The following ALG14 variants were observed in gnomAD, a reference collection of about 807,000 sequenced individuals.
ALG14 encodes UDP-N-acetylglucosamine transferase subunit ALG14.
A neutral mutation model predicts 22.8 loss-of-function variants in ALG14; 17 were observed. The observed-to-expected ratio is 0.75, with a 90% CI of 0.51 to 1.12. ALG14 has a LOEUF of 1.12. ALG14 is among the 50% of genes most tolerant of loss of function. The pLI, the probability that ALG14 is intolerant of heterozygous loss-of-function variation, is 0.00. For synonymous variants in ALG14, 89 were observed against 103.7 expected, an observed-to-expected ratio of 0.86 and a Z score of 0.86; for missense variants, 288 against 271.8, an observed-to-expected ratio of 1.06 and a Z score of -0.42.
At chr1:94,983,328 C>T in intron 3 of ALG14, 22 bp from the exon 4 acceptor site, 2 of 1,594,278 alleles carry the variant, frequency 1.3e-6, no homozygotes, top group Non-Finnish European at 1.7e-6. Context: ...AGTTGAAGGT[C>T]AAATGAAAAT....
chr1:95,003,265 C>T (rs976644013), intron 3 of ALG14, among the ~76,000 whole-genome samples: 7 of 152,134 alleles, frequency 4.6e-5, no homozygotes, highest in African/African-American at 1.7e-4. Flanking sequence ...ACCAGAGGTG[C>T]TCACTGTCCT....
At chr1:94,998,489 G>C (rs867479328) in intron 3 of ALG14, among the ~76,000 whole-genome samples, 2 of 152,324 alleles carry the variant, frequency 1.3e-5, no homozygotes, top group African/African-American at 2.4e-5. Flanking sequence ...TTATAAGCAA[G>C]TGTGCTAAAA....
chr1:95,043,464 C>T (rs921286687), intron 2 of ALG14, among the ~76,000 whole-genome samples: 33 of 152,160 alleles, frequency 2.2e-4, no homozygotes, highest in South Asian at 1.7e-3. Flanking sequence ...TCAATAGTGA[C>T]GAGGATGAGA....
chr1:95,048,294 T>C (rs59902773), intron 2 of ALG14, among the ~76,000 whole-genome samples: 1 of 152,166 alleles, frequency 6.6e-6, no homozygotes, highest in Non-Finnish European at 1.5e-5. Flanking sequence ...CTTCTATTGT[T>C]GTTTTATATA....
chr1:95,016,820 C>G (rs1485154437), intron 3 of ALG14, among the ~76,000 whole-genome samples: 1 of 151,948 alleles, frequency 6.6e-6, no homozygotes, highest in East Asian at 1.9e-4. Flanking sequence ...GTCAGGGAAC[C>G]TACAAAAATG....
intron 3 of ALG14, among the ~76,000 whole-genome samples, chr1:95,020,525 G>T (rs759897257): frequency 6.6e-6 from 1 of 151,756 alleles, no homozygotes; most frequent in African/African-American, 2.4e-5. Context: ...GATCGCCTGA[G>T]GTCAGGAGTT....
chr1:95,039,631 G>C (rs1191662308), intron 2 of ALG14, among the ~76,000 whole-genome samples: 1 of 152,160 alleles, frequency 6.6e-6, no homozygotes, highest in Non-Finnish European at 1.5e-5. Flanking sequence ...TACTCTTTAA[G>C]TATAAAATAT....
intron 1 of ALG14, among the ~76,000 whole-genome samples, chr1:95,070,409 G>A (rs1274570649): frequency 6.6e-6 from 1 of 152,186 alleles, no homozygotes; most frequent in Non-Finnish European, 1.5e-5. Context: ...TGAAACTTCA[G>A]AGGGCAAAAG....
chr1:94,986,484 CTTTTTTTG>C (rs1158845067), intron 3 of ALG14, among the ~76,000 whole-genome samples: 2 of 150,340 alleles, frequency 1.3e-5, no homozygotes, highest in Non-Finnish European at 3.0e-5. Flanking sequence ...TTCTTTTTTT[CTTTTTTTG>C]AGACACAGTC....
chr1:95,040,009 C>CA (rs1305351309), intron 2 of ALG14, among the ~76,000 whole-genome samples: 1 of 151,754 alleles, frequency 6.6e-6, no homozygotes, highest in Non-Finnish European at 1.5e-5. Context: ...CCTATCTCTA[C>CA]AAAAAATACA....
intron 2 of ALG14, among the ~76,000 whole-genome samples, chr1:95,053,564 G>T (rs1248267238): frequency 1.3e-5 from 2 of 151,620 alleles, no homozygotes; most frequent in African/African-American, 2.4e-5. Context: ...TGTTTTTTTT[G>T]TTTGTTTGTT....
At chr1:95,027,071 A>G in intron 3 of ALG14, 58 bp downstream of exon 3, 1 of 1,590,492 alleles carries the variant, frequency 6.3e-7, no homozygotes. Flanking sequence ...ATGTCCTGTT[A>G]CTAACGAAAG....
At chr1:95,037,582 G>A (rs1674240610) in intron 2 of ALG14, among the ~76,000 whole-genome samples, 1 of 152,164 alleles carries the variant, frequency 6.6e-6, no homozygotes, top group African/African-American at 2.4e-5. Flanking sequence ...CTTGCTATAG[G>A]GATATGCCTG....
chr1:94,982,101 C>A lies in ALG14; in HGVS notation c.*975G>T, dbSNP rs1571568491. ...TCTGTAAAATGGGAATAATAACAGT[C>A]CCTACATCATTGAGTTTTGTTTTTT... is the stretch of plus-strand genomic sequence containing the variant. On this transcript the variant is annotated 3_prime_UTR_variant, in exon 4 of 4. Transcript: ENST00000370205. The A allele has an allele frequency of 1.3e-5, 2 of 151,620 alleles. No individual in the cohort carries two copies. The highest frequency in any genetic ancestry group is 4.8e-5 in the African/African-American group (2 of 41,306). 9.4% of individuals were successfully genotyped at this position (151,620 alleles called of 1,614,324 possible).
chr1:94,999,450 T>G (rs1379578644), intron 3 of ALG14, among the ~76,000 whole-genome samples: 1 of 151,242 alleles, frequency 6.6e-6, no homozygotes, highest in Non-Finnish European at 1.5e-5. Context: ...CATCCTGGCA[T>G]TCTTGAAAGC....
intron 3 of ALG14, among the ~76,000 whole-genome samples, chr1:95,006,888 C>T (rs753432831): frequency 3.3e-5 from 5 of 152,232 alleles, no homozygotes; most frequent in Admixed American, 6.5e-5. Context: ...TTATATAACT[C>T]GGTTTCATAT....
chr1:94,999,012 T>A (rs1277654516), intron 3 of ALG14, among the ~76,000 whole-genome samples: 1 of 152,102 alleles, frequency 6.6e-6, no homozygotes, highest in Non-Finnish European at 1.5e-5. Flanking sequence ...TGCTGGCAAG[T>A]TTAATATCAC....
chr1:94,996,080 C>G (rs906038171), intron 3 of ALG14, among the ~76,000 whole-genome samples: 1 of 152,226 alleles, frequency 6.6e-6, no homozygotes, highest in African/African-American at 2.4e-5. Flanking sequence ...TATCCCAGTT[C>G]TATTCAGAGA....
rs557714182 is a variant in ALG14, at chr1:95,042,705, T to G, written c.289-15445A>C. ...TTCCTTTTCTTGTTCTTTCTGGAAG[T>G]TTTTAGTATCTTCTCTTCATCGTTA... is the stretch of plus-strand genomic sequence containing the variant. On this transcript the variant is annotated intron_variant, in intron 2 of 3. Coordinates refer to ENST00000370205, the MANE Select transcript of ALG14 (RefSeq NM_144988.4). 1.1e-4 allele frequency among the ~76,000 whole-genome samples: 17 copies of G among 152,354 alleles called. No individual in the cohort carries two copies. In the South Asian group the frequency reaches 3.3e-3, roughly 30 times the overall value.
Sources: allele counts gnomAD v4.1 joint callset (sites outside exome capture counted in the v4.1 genomes callset), GRCh38; gene constraint gnomAD v4.1.1; transcripts MANE v1.5; gene names NCBI Gene and HGNC (gene_info 2026-07-23, HGNC 2026-07-21).